Variants in SNX29 observed in about 807,000 individuals in gnomAD.
SNX29 encodes sorting nexin 29, also known as sorting nexin-29.
SNX29 carries 78 observed loss-of-function variants against 102.1 expected under a neutral mutation model. The observed-to-expected ratio is 0.76, with a 90% CI of 0.64 to 0.92. SNX29 has a LOEUF of 0.92. Ranked by LOEUF, SNX29 falls within the 40% of genes least tolerant of loss-of-function variation. SNX29 has a pLI of 0.00. For missense variants in SNX29, 1,280 were observed against 1,061.7 expected (o/e 1.21, Z -2.86); for synonymous variants, 580 against 414.5 (o/e 1.40, Z -4.85).
chr16:12,157,613 G>A (rs1477126800), intron 13 of SNX29, among the ~76,000 whole-genome samples: 1 of 152,162 alleles, frequency 6.6e-6, no homozygotes, highest in East Asian at 1.9e-4. Flanking sequence ...TGGTTATGAA[G>A]CAGGCTTGAT....
At chr16:12,437,719 T>G (rs969633715) in intron 18 of SNX29, among the ~76,000 whole-genome samples, 2 of 152,074 alleles carry the variant, frequency 1.3e-5, no homozygotes, top group Non-Finnish European at 2.9e-5. Context: ...GCACCCAGAT[T>G]TATCTCCACC....
chr16:12,056,765 G>A (rs542981799), intron 8 of SNX29, among the ~76,000 whole-genome samples: 1 of 152,102 alleles, frequency 6.6e-6, no homozygotes, highest in Admixed American at 6.6e-5. Flanking sequence ...TCTTTACAAG[G>A]GATAGTATTT....
At chr16:12,363,161 C>T (rs1230872533) in intron 16 of SNX29, among the ~76,000 whole-genome samples, 2 of 152,230 alleles carry the variant, frequency 1.3e-5, no homozygotes, top group Non-Finnish European at 2.9e-5. Flanking sequence ...AAGAGCTTGC[C>T]ATTTGGACCG....
At chr16:12,222,105 A>G (rs1285719477) in intron 14 of SNX29, among the ~76,000 whole-genome samples, 1 of 152,276 alleles carries the variant, frequency 6.6e-6, no homozygotes, top group Non-Finnish European at 1.5e-5. Context: ...GAATCGTCAC[A>G]TAAGCCTACA....
intron 18 of SNX29, among the ~76,000 whole-genome samples, chr16:12,467,785 T>C (rs1212448209): frequency 1.3e-5 from 2 of 152,190 alleles, no homozygotes; most frequent in Non-Finnish European, 2.9e-5. Flanking sequence ...GCTGTTCCTC[T>C]GGTTGAAGGA....
At chr16:12,474,046 C>A (rs1396630182) in intron 18 of SNX29, among the ~76,000 whole-genome samples, 1 of 152,076 alleles carries the variant, frequency 6.6e-6, no homozygotes, top group African/African-American at 2.4e-5. Context: ...GATCCGAGAA[C>A]CTTCTCTTGG....
intron 20 of SNX29, among the ~76,000 whole-genome samples, chr16:12,537,374 A>G (rs1278824901): frequency 6.6e-6 from 1 of 152,258 alleles, no homozygotes; most frequent in African/African-American, 2.4e-5. Flanking sequence ...GGTGCATGAC[A>G]GAAAGAGCAA....
At position 12,570,174 on chromosome 16, in the gene SNX29, G is replaced by C; in HGVS notation, c.*1545G>C. On this transcript the variant is annotated 3_prime_UTR_variant, in exon 21 of 21. Transcript: ENST00000566228. Reference sequence around the variant, plus strand: ...ACACACAGCGCCCCCCCACCCCAGAGAAACCGAGTCAGCCTACATGACTTC... The same window carrying C: ...ACACACAGCGCCCCCCCACCCCAGACAAACCGAGTCAGCCTACATGACTTC... The C allele has an allele frequency of 1.9e-6, 2 of 1,065,416 alleles. No individual in the cohort carries two copies. The highest frequency in any genetic ancestry group is 2.3e-6 in the Non-Finnish European group (2 of 879,238). The allele number at this position is 1,065,416 out of a possible 1,614,324, so 66.0% of individuals were successfully genotyped here. A position where few individuals can be genotyped will look rare whatever the true frequency, so the allele number is the denominator to read the frequency against.
At chr16:12,025,302 C>CA (rs35724715) in intron 3 of SNX29, among the ~76,000 whole-genome samples, 2,714 of 60,400 alleles carry the variant, frequency 0.045, 321 homozygotes, top group African/African-American at 0.14. Context: ...AACTCCATCT[C>CA]AAAAAAAAAA....
At chr16:12,132,419 T>C (rs1252126514) in intron 13 of SNX29, among the ~76,000 whole-genome samples, 1 of 152,164 alleles carries the variant, frequency 6.6e-6, no homozygotes, top group Admixed American at 6.5e-5. Context: ...TTTAATGGCT[T>C]GTATTAGCAG....
chr16:12,202,492 C>T (rs952155266), intron 14 of SNX29, among the ~76,000 whole-genome samples: 1 of 152,200 alleles, frequency 6.6e-6, no homozygotes, highest in Non-Finnish European at 1.5e-5. Flanking sequence ...TCTTCATGCT[C>T]TTCCTCCAGC....
intron 18 of SNX29, among the ~76,000 whole-genome samples, chr16:12,459,441 C>G (rs1194404408): frequency 6.6e-6 from 1 of 152,082 alleles, no homozygotes; most frequent in East Asian, 1.9e-4. Context: ...GAGCGGGACC[C>G]ATAGGGAGCC....
intron 20 of SNX29, among the ~76,000 whole-genome samples, chr16:12,548,968 C>G (rs911187720): frequency 1.3e-5 from 2 of 152,218 alleles, no homozygotes; most frequent in Admixed American, 6.5e-5. Context: ...AGCAACAGCA[C>G]AAGTGAGGCC....
At chr16:12,308,728 A>T (rs2080431843) in intron 15 of SNX29, among the ~76,000 whole-genome samples, 1 of 152,214 alleles carries the variant, frequency 6.6e-6, no homozygotes, top group African/African-American at 2.4e-5. Context: ...CTAGATGGGT[A>T]CAAATTAAAC....
At chr16:12,459,066 TCCTCCTCCCCGGTCCACTCCCC>T (rs2086659676) in intron 18 of SNX29, among the ~76,000 whole-genome samples, 3 of 44,456 alleles carry the variant, frequency 6.7e-5, no homozygotes, top group Admixed American at 3.4e-4. Flanking sequence ...TTCCCCCACC[TCCTCCTCCCCGGTCCACTCCCC>T]CCTCCTCCCA....
At chr16:12,111,565 G>A (rs2053502769) in intron 11 of SNX29, among the ~76,000 whole-genome samples, 1 of 152,196 alleles carries the variant, frequency 6.6e-6, no homozygotes, top group South Asian at 2.1e-4. Flanking sequence ...CCTTCCCACT[G>A]CAAGGAAAGC....
intron 20 of SNX29, among the ~76,000 whole-genome samples, chr16:12,559,715 G>C (rs886164777): frequency 6.6e-6 from 1 of 152,070 alleles, no homozygotes; most frequent in South Asian, 2.1e-4. Flanking sequence ...CCCATGGTGA[G>C]AACACCAAGA....
chr16:12,398,203 T>G (rs929860168), intron 16 of SNX29, among the ~76,000 whole-genome samples: 7 of 152,188 alleles, frequency 4.6e-5, no homozygotes, highest in Non-Finnish European at 1.5e-5. Flanking sequence ...TCAATAGGAT[T>G]AACAGTCCCT....
At chr16:12,177,613 T>A in intron 13 of SNX29, among the ~76,000 whole-genome samples, 1 of 152,372 alleles carries the variant, frequency 6.6e-6, no homozygotes, top group African/African-American at 2.4e-5. Flanking sequence ...GTGAATTTTT[T>A]AATAGCTGTA....
Sources: gnomAD v4.1 joint callset for allele counts (sites outside exome capture counted in the v4.1 genomes callset) on GRCh38, gnomAD v4.1.1 for gene constraint, MANE v1.5 for transcripts, NCBI Gene and HGNC (gene_info 2026-07-23, HGNC 2026-07-21) for gene names.